CDCA8: variants seen among roughly 807,000 people sequenced by gnomAD.
CDCA8 encodes borealin.
In CDCA8, 25 loss-of-function variants were observed where a neutral mutation model predicts 40.0. The ratio of observed to expected loss-of-function variants is 0.63; its 90% CI spans 0.46 to 0.87. The LOEUF (loss-of-function observed/expected upper bound fraction) is 0.87, where lower values mean the gene tolerates loss of function less well. Ranked by LOEUF, CDCA8 falls within the 40% of genes least tolerant of loss-of-function variation. The probability of loss-of-function intolerance (pLI) is 0.00; values close to 1 mark genes in which losing one functional copy is unlikely to be tolerated. For missense variants in CDCA8, 280 were observed against 348.4 expected (o/e 0.80, Z 1.56); for synonymous variants, 111 against 126.5 (o/e 0.88, Z 0.82).
At chr1:37,703,188 CCT>C in intron 6 of CDCA8, 62 bp from the exon 7 acceptor site, 1 of 1,258,742 alleles carries the variant, frequency 7.9e-7, no homozygotes, top group Non-Finnish European at 1.2e-6. Flanking sequence ...ACGTGTCACT[CCT>C]CTGCTGCTGC....
intron 3 of CDCA8, among the ~76,000 whole-genome samples, 190 bp from the exon 4 acceptor site, chr1:37,698,715 T>A (rs1369893978): frequency 6.6e-6 from 1 of 152,100 alleles, no homozygotes; most frequent in East Asian, 1.9e-4. Flanking sequence ...CAGAAGCAAG[T>A]TATTGGCAAT....
chr1:37,703,441 C>A, intron 7 of CDCA8, 94 bp downstream of exon 7: 2 of 891,372 alleles, frequency 2.2e-6, no homozygotes, highest in Non-Finnish European at 3.8e-6. Flanking sequence ...CTAGGCCAGG[C>A]ACGGTAGCTC....
At position 37,705,481 on chromosome 1, in the gene CDCA8, G is replaced by C. The variant is rs1008436119; in HGVS notation, c.625G>C (p.Glu209Gln). 2 of 1,613,966 alleles carry C rather than the reference G, an allele frequency of 1.2e-6. No homozygotes were observed. Among genetic ancestry groups the C allele is most frequent in the Non-Finnish European group, 1.7e-6 (2 of 1,180,032 alleles). ...TGGCCTGCGTACTCCAGCAGCAGGA[G>C]AGCGGATTTACAACATCTCAGGGAA... Reference protein sequence around the residue: ...TPGLRTPAAGERIYNISGNGS... With the variant: ...TPGLRTPAAGQRIYNISGNGS... The change falls in exon 8 of 10, where the codon GAG becomes CAG. Residue 209 changes from glutamate (E) to glutamine (Q), a missense_variant. Glu to Gln is a conservative substitution (Grantham distance 29). Coordinates refer to ENST00000373055, the MANE Select transcript of CDCA8 (RefSeq NM_001256875.2).
chr1:37,698,925 A>C lies in CDCA8; in HGVS notation c.285A>C (p.Glu95Asp), dbSNP rs774862393. ...EAATADLDIT[E>D]INKLTAEAIQ... ...CATAGGCTGACCTGGATATCACCGA[A>C]ATAAACAAACTAACAGCAGAAGCTA... is the stretch of plus-strand genomic sequence containing the variant. The change falls in exon 4 of 10, where the codon GAA (glutamate) becomes GAC (aspartate). Residue 95 changes from glutamate (E) to aspartate (D), a missense_variant. Transcript: ENST00000373055. The C allele has an allele frequency of 6.2e-7, 1 of 1,613,900 alleles. No individual in the cohort carries two copies. The highest frequency in any genetic ancestry group is 1.1e-5 in the South Asian group (1 of 91,078).
rs754759907 is a variant in CDCA8 at position 37,700,517 on chromosome 1, C to T, written c.419C>T (p.Ala140Val). Reference protein sequence around the residue: ...EENERKNLQTARVKRCPPSKK... With the variant: ...EENERKNLQTVRVKRCPPSKK... ...AATGAACGTAAGAATCTTCAAACTGCAAGAGTAAGTGGACACTGAGGTTGG... is the reference window on the plus strand; with the variant it reads ...AATGAACGTAAGAATCTTCAAACTGTAAGAGTAAGTGGACACTGAGGTTGG... Residue 140 changes from alanine (A) to valine (V), a missense_variant, in exon 5 of 10, where the codon GCA becomes GTA. Physicochemically the swap from Ala to Val is moderately conservative, Grantham distance 64. Transcript: ENST00000373055. The T allele has an allele frequency of 1.9e-6, 3 of 1,597,084 alleles. No homozygotes were observed. The highest frequency in any genetic ancestry group is 2.2e-5 in the East Asian group (1 of 44,820).
intron 7 of CDCA8, among the ~76,000 whole-genome samples, chr1:37,704,237 A>C (rs1175616825): frequency 6.6e-6 from 1 of 152,150 alleles, no homozygotes; most frequent in Non-Finnish European, 1.5e-5. Context: ...ACCCGGCCTC[A>C]AATCAGTTTT....
In CDCA8 at chr1:37,700,499, G is replaced by GT. The variant is rs759440517; in HGVS notation, c.402dup (p.Lys135Ter). The GT allele has an allele frequency of 1.7e-5, 28 of 1,608,994 alleles. No individual in the cohort carries two copies. Among genetic ancestry groups the GT allele is most frequent in the Non-Finnish European group, 2.1e-5 (25 of 1,175,568 alleles). On this transcript the variant is annotated frameshift_variant, in exon 5 of 10. Transcript: ENST00000373055. LOFTEE classifies it high-confidence loss of function. ...GAGGAAGAAGAAGAAGAAAATGAAC[G>GT]TAAGAATCTTCAAACTGCAAGAGTA...
Position 37,692,654 on chromosome 1 carries a change from C to A in CDCA8, c.-37C>A, listed in dbSNP as rs1216535957. 3 of 1,551,348 alleles carry A rather than the reference C, an allele frequency of 1.9e-6. No individual in the cohort carries two copies. In the East Asian group the frequency reaches 6.8e-5, roughly 35 times the overall value. On this transcript the variant is annotated 5_prime_UTR_variant, in exon 1 of 10. Coordinates refer to ENST00000373055, the MANE Select transcript of CDCA8 (RefSeq NM_001256875.2). ...CTACCCAGTTTCTTGCTTCCCTGCC[C>A]CATCTCCGCCGCTCCCCGCAGCCTC...
In CDCA8 at chr1:37,692,994, C is replaced by G. The variant is rs770780603; in HGVS notation, c.184C>G (p.Pro62Ala). The G allele has an allele frequency of 1.2e-6, 2 of 1,613,980 alleles. No homozygotes were observed. The highest frequency in any genetic ancestry group is 1.7e-6 in the Non-Finnish European group (2 of 1,180,020). Reference sequence around the variant, plus strand: ...CTACAACATCGAGATCCTGCGGCTCCCCAAGGCTCTGCGCGAGATGAACTG... The same window carrying G: ...CTACAACATCGAGATCCTGCGGCTCGCCAAGGCTCTGCGCGAGATGAACTG... ...NLYNIEILRL[P>A]KALREMNWLD... The change falls in exon 2 of 10, where the codon CCC (proline) becomes GCC (alanine). Residue 62 changes from proline to alanine, a missense_variant. Transcript: ENST00000373055.
rs1253382221 is a variant in CDCA8, at chr1:37,692,899, C to A, written c.95-6C>A. On this transcript the variant is annotated splice_polypyrimidine_tract_variant and splice_region_variant and intron_variant, in intron 1 of 9. Coordinates refer to ENST00000373055, the MANE Select transcript of CDCA8 (RefSeq NM_001256875.2). ...CCCGTGTCCTGTCGGCTCTGCCCTCCCGCAGTGGAAATACGAATCAAGCAA... is the reference window on the plus strand; with the variant it reads ...CCCGTGTCCTGTCGGCTCTGCCCTCACGCAGTGGAAATACGAATCAAGCAA... The A allele has an allele frequency of 6.2e-7, 1 of 1,613,602 alleles. No individual in the cohort carries two copies. The highest frequency in any genetic ancestry group is 1.3e-5 in the African/African-American group (1 of 74,900).
At position 37,692,896 on chromosome 1, in the gene CDCA8, C is replaced by T. The variant is rs754788952; in HGVS notation, c.95-9C>T. The T allele has an allele frequency of 6.2e-7, 1 of 1,613,748 alleles. No individual in the cohort carries two copies. The highest frequency in any genetic ancestry group is 8.5e-7 in the Non-Finnish European group (1 of 1,179,734). On this transcript the variant is annotated splice_polypyrimidine_tract_variant and intron_variant, in intron 1 of 9. Coordinates refer to ENST00000373055, the MANE Select transcript of CDCA8 (RefSeq NM_001256875.2). Reference sequence around the variant, plus strand: ...TGACCCGTGTCCTGTCGGCTCTGCCCTCCCGCAGTGGAAATACGAATCAAG... The same window carrying T: ...TGACCCGTGTCCTGTCGGCTCTGCCTTCCCGCAGTGGAAATACGAATCAAG...
Position 37,697,520 on chromosome 1 carries a change from G to A in CDCA8, c.265-1385G>A, listed in dbSNP as rs12044777. On this transcript the variant is annotated intron_variant, in intron 3 of 9. Transcript: ENST00000373055. ...CACATGTCAAAATCCTAGACTTTCA[G>A]GAGGGAAGTAGGTGTTCAGCATGAG... Among the ~76,000 whole-genome samples the A allele has an allele frequency of 3.9e-5, 6 of 152,358 alleles. No homozygotes were observed. The East Asian group carries it at 9.6e-4, about 24-fold the overall frequency.
In CDCA8 at chr1:37,708,739, C is replaced by T; in HGVS notation, c.*373C>T. ...GAACCCTGTGTTCTCAGGAAGACTG[C>T]CTCCACCACCGCTACCCAGAGAACC... On this transcript the variant is annotated 3_prime_UTR_variant, in exon 10 of 10. Transcript: ENST00000373055. 2 of 302,502 alleles carry T rather than the reference C, an allele frequency of 6.6e-6. No individual in the cohort carries two copies. The highest frequency in any genetic ancestry group is 1.3e-5 in the Non-Finnish European group (2 of 154,854). The allele number at this position is 302,502 out of a possible 1,614,324, so 18.7% of individuals were successfully genotyped here.
chr1:37,701,793 A>G lies in CDCA8; in HGVS notation c.463A>G (p.Ile155Val), dbSNP rs754936582. 2.5e-6 allele frequency: 4 copies of G among 1,613,578 alleles called. No individual in the cohort carries two copies. The highest frequency in any genetic ancestry group is 1.6e-4 in the Middle Eastern group (1 of 6,062). Residue 155 changes from isoleucine (I) to valine (V), a missense_variant, in exon 6 of 10, where the codon ATA becomes GTA. Ile to Val is a conservative substitution (Grantham distance 29). Transcript: ENST00000373055. ...TCCATCCAAGAAGAGAACTCAGTCC[A>G]TACAAGGAAAAGGAAAAGGGAAAAG... ...CPPSKKRTQS[I>V]QGKGKGKRSS... is the part of the protein sequence containing the mutation.
rs932470017 is a variant in CDCA8 at position 37,696,900 on chromosome 1, A to T, written c.264+950A>T. On this transcript the variant is annotated intron_variant, in intron 3 of 9. Coordinates refer to ENST00000373055, the MANE Select transcript of CDCA8 (RefSeq NM_001256875.2). The surrounding 1 kb of genome is among the most constrained non-coding windows in gnomAD (Gnocchi z 5.0). ...ATGAGGAGCCAATTATCAATTTGGA[A>T]AAAATTGGAGCATTTGGGAGAGAGG... is the stretch of plus-strand genomic sequence containing the variant. Among the ~76,000 whole-genome samples, 1 of 152,226 alleles carries T rather than the reference A, an allele frequency of 6.6e-6. No individual in the cohort carries two copies. The highest frequency in any genetic ancestry group is 2.4e-5 in the African/African-American group (1 of 41,460).
chr1:37,704,415 T>C (rs1285262690), intron 7 of CDCA8, among the ~76,000 whole-genome samples: 2 of 152,170 alleles, frequency 1.3e-5, no homozygotes, highest in African/African-American at 4.8e-5. Flanking sequence ...AAAGACTGGA[T>C]CTGTGTGTGC....
chr1:37,703,139 T>C (rs914378613), intron 6 of CDCA8, 113 bp from the exon 7 acceptor site: 5 of 812,394 alleles, frequency 6.2e-6, no homozygotes, highest in Non-Finnish European at 1.1e-5. Context: ...AGTCGATGTG[T>C]GCGAGGCGCC....
At chr1:37,701,947 C>G (rs1159351458) in intron 6 of CDCA8, 129 bp downstream of exon 6, 1 of 664,108 alleles carries the variant, frequency 1.5e-6, no homozygotes, top group South Asian at 2.0e-5. Flanking sequence ...ATCACTGAAT[C>G]CTTGAGTATC....
chr1:37,698,995 C>T lies in CDCA8; in HGVS notation c.337+18C>T, dbSNP rs1366959393. 1 of 1,570,030 alleles carries T rather than the reference C, an allele frequency of 6.4e-7. No homozygotes were observed. Among genetic ancestry groups the T allele is most frequent in the East Asian group, 2.2e-5 (1 of 44,694 alleles). ...TGCCAAAAGTGAGTACCTTTCAAAA[C>T]TCCTTGTTGTACAGAAAGAACTGAG... On this transcript the variant is annotated intron_variant, in intron 4 of 9. Transcript: ENST00000373055.
Sources: allele counts gnomAD v4.1 joint callset (sites outside exome capture counted in the v4.1 genomes callset), GRCh38; gene constraint gnomAD v4.1.1; non-coding constraint Gnocchi (gnomAD v3.1); transcripts MANE v1.5; gene names NCBI Gene and HGNC (gene_info 2026-07-23, HGNC 2026-07-21).